The following GLIS1 variants were observed in gnomAD, a reference collection of about 807,000 sequenced individuals.
GLIS1 encodes the protein zinc finger protein GLIS1.
A neutral mutation model predicts 63.8 loss-of-function variants in GLIS1; 24 were observed. That is an observed-to-expected ratio of 0.38 (90% confidence interval 0.27 to 0.53). GLIS1 has a LOEUF of 0.53. Ranked by LOEUF, GLIS1 falls within the 20% of genes least tolerant of loss-of-function variation. The probability of loss-of-function intolerance (pLI) is 0.85; values close to 1 mark genes in which losing one functional copy is unlikely to be tolerated. For synonymous variants in GLIS1, 450 were observed against 482.5 expected (o/e 0.93, Z 0.88); for missense variants, 1,036 against 1,074.1 (o/e 0.96, Z 0.50).
At chr1:53,565,704 T>C (rs1304674471) in intron 4 of GLIS1, among the ~76,000 whole-genome samples, 2 of 152,040 alleles carry the variant, frequency 1.3e-5, no homozygotes, top group Non-Finnish European at 2.9e-5. Context: ...ATTAAAGTAA[T>C]TGGATCAGTA....
At chr1:53,623,033 T>C (rs1569937545) in intron 2 of GLIS1, among the ~76,000 whole-genome samples, 1 of 152,230 alleles carries the variant, frequency 6.6e-6, no homozygotes, top group Non-Finnish European at 1.5e-5. Flanking sequence ...GACTGTGATA[T>C]GGTTACTTAT....
chr1:53,718,562 T>A (rs530721574), intron 2 of GLIS1, among the ~76,000 whole-genome samples: 22 of 152,290 alleles, frequency 1.4e-4, no homozygotes, highest in African/African-American at 5.1e-4. Context: ...TGATTTGACA[T>A]CCTGTTCCAA....
chr1:53,600,601 G>A (rs745790452), intron 2 of GLIS1, among the ~76,000 whole-genome samples: 7 of 152,162 alleles, frequency 4.6e-5, no homozygotes, highest in African/African-American at 9.7e-5. Context: ...GAGAAACTCC[G>A]AGTCTCTTGG....
chr1:53,546,478 C>T (rs755481411), intron 4 of GLIS1, among the ~76,000 whole-genome samples: 9 of 152,218 alleles, frequency 5.9e-5, no homozygotes, highest in Non-Finnish European at 1.3e-4. Context: ...GCTGCTTACT[C>T]GCCTGTGTCC....
intron 2 of GLIS1, among the ~76,000 whole-genome samples, chr1:53,723,810 AAAG>A (rs1258832636): frequency 6.6e-6 from 1 of 152,214 alleles, no homozygotes; most frequent in African/African-American, 2.4e-5. Context: ...GCCACTTCCC[AAAG>A]AAGGACTAGG....
chr1:53,567,845 C>T (rs891937810), intron 4 of GLIS1, among the ~76,000 whole-genome samples: 4 of 152,242 alleles, frequency 2.6e-5, no homozygotes, highest in African/African-American at 9.6e-5. Flanking sequence ...CTTTGGGAAC[C>T]TCTTCCTAGA....
intron 2 of GLIS1, among the ~76,000 whole-genome samples, chr1:53,673,001 G>A (rs1646169907): frequency 6.6e-6 from 1 of 152,180 alleles, no homozygotes; most frequent in South Asian, 2.1e-4. Context: ...GCCCAGCCAG[G>A]TCGCTCCAGT....
rs181191602 is a variant in GLIS1, at chr1:53,542,558, C to T, written c.1321-12606G>A. 2.4e-4 allele frequency among the ~76,000 whole-genome samples: 36 copies of T among 152,286 alleles called. No individual in the cohort carries two copies. The East Asian group carries it at 6.2e-3, about 26-fold the overall frequency. Reference sequence around the variant, plus strand: ...GGCTGGCTGCTCAGCAGTCACCTCCCAAATTAGTTGGGGGCTGGGAGAGAC... The same window carrying T: ...GGCTGGCTGCTCAGCAGTCACCTCCTAAATTAGTTGGGGGCTGGGAGAGAC... On this transcript the variant is annotated intron_variant, in intron 4 of 10. Coordinates refer to ENST00000628545, the MANE Select transcript of GLIS1 (RefSeq NM_001367484.1).
chr1:53,733,917 A>G, intron 2 of GLIS1: 2 of 985,360 alleles, frequency 2.0e-6, no homozygotes, highest in Non-Finnish European at 2.4e-6. Context: ...TCTATGAGGG[A>G]TGCGCTAGCC....
At chr1:53,552,412 C>T (rs1450778553) in intron 4 of GLIS1, among the ~76,000 whole-genome samples, 2 of 152,204 alleles carry the variant, frequency 1.3e-5, no homozygotes, top group Non-Finnish European at 1.5e-5. Flanking sequence ...TCAGGTCTCC[C>T]TTCCCACATT....
intron 4 of GLIS1, among the ~76,000 whole-genome samples, chr1:53,577,065 A>G (rs1645038849): frequency 1.3e-5 from 2 of 149,138 alleles, no homozygotes; most frequent in South Asian, 4.3e-4. Flanking sequence ...CCCTCCCCCA[A>G]TAAATGCTGA....
At chr1:53,701,153 GGTCAAATGGTAACTAT>G (rs1375622566) in intron 2 of GLIS1, among the ~76,000 whole-genome samples, 2 of 152,218 alleles carry the variant, frequency 1.3e-5, no homozygotes, top group Non-Finnish European at 1.5e-5. Flanking sequence ...GTAGCTGGGG[GGTCAAATGGTAACTAT>G]GTCAAATGGT....
At chr1:53,658,848 G>A (rs987781953) in intron 2 of GLIS1, among the ~76,000 whole-genome samples, 7 of 152,110 alleles carry the variant, frequency 4.6e-5, no homozygotes, top group Non-Finnish European at 1.0e-4. Flanking sequence ...CCCAATACAG[G>A]GCCCCACCCA....
chr1:53,699,470 T>C (rs1646500786), intron 2 of GLIS1, among the ~76,000 whole-genome samples: 1 of 152,220 alleles, frequency 6.6e-6, no homozygotes, highest in Non-Finnish European at 1.5e-5. Context: ...TTGATTTCTT[T>C]GGACTTTGGG....
intron 6 of GLIS1, 61 bp downstream of exon 6, chr1:53,524,716 G>T: frequency 8.3e-7 from 1 of 1,201,520 alleles, no homozygotes. Context: ...TGGGCACCTG[G>T]CCTGATGCGG....
At chr1:53,726,603 A>C (rs532521699) in intron 2 of GLIS1, among the ~76,000 whole-genome samples, 1 of 152,192 alleles carries the variant, frequency 6.6e-6, no homozygotes, top group African/African-American at 2.4e-5. Flanking sequence ...CACTCAACAG[A>C]CAACCCTCAT....
chr1:53,529,060 G>A (rs7528586), intron 5 of GLIS1, among the ~76,000 whole-genome samples: 5,442 of 152,296 alleles, frequency 0.036, 142 homozygotes, highest in Non-Finnish European at 0.051. Context: ...AAATGGCTTC[G>A]TGACTGCCCC....
intron 7 of GLIS1, among the ~76,000 whole-genome samples, chr1:53,516,832 G>GCAC (rs1300910173): frequency 3.3e-5 from 5 of 151,310 alleles, no homozygotes; most frequent in South Asian, 2.1e-4. Context: ...AAAAAACAAA[G>GCAC]CACCACCACC....
rs543440019 is a variant in GLIS1, at chr1:53,636,274, C to G, written c.260-35996G>C. 1.4e-4 allele frequency among the ~76,000 whole-genome samples: 21 copies of G among 152,244 alleles called. 1 individual carries two copies. In the South Asian group the frequency reaches 3.9e-3, roughly 29 times the overall value. On this transcript the variant is annotated intron_variant, in intron 2 of 10. Coordinates refer to ENST00000628545, the MANE Select transcript of GLIS1 (RefSeq NM_001367484.1). ...GACCAAGTCAGGTATATCCAAGGAA[C>G]TCAAAGTTGATTTAACATTAGAAAA...
Sources: allele counts gnomAD v4.1 joint callset (sites outside exome capture counted in the v4.1 genomes callset), GRCh38; gene constraint gnomAD v4.1.1; transcripts MANE v1.5; gene names NCBI Gene and HGNC (gene_info 2026-07-23, HGNC 2026-07-21).